The following NXPH1 variants were observed in gnomAD, a reference collection of about 807,000 sequenced individuals.
The protein encoded by NXPH1 is neurexophilin-1.
NXPH1 carries 5 observed loss-of-function variants against 23.7 expected under a neutral mutation model. The ratio of observed to expected loss-of-function variants is 0.21; its 90% CI spans 0.11 to 0.44. The LOEUF is 0.44. Among genes scored for constraint, NXPH1 ranks in the 20% least tolerant of loss-of-function variants. NXPH1 has a pLI of 0.99. For missense variants in NXPH1, 324 were observed against 321.6 expected, an observed-to-expected ratio of 1.01 and a Z score of -0.06; for synonymous variants, 144 against 122.2, an observed-to-expected ratio of 1.18 and a Z score of -1.18.
chr7:8,596,788 C>T (rs1819234859), intron 2 of NXPH1, among the ~76,000 whole-genome samples: 1 of 152,072 alleles, frequency 6.6e-6, no homozygotes, highest in African/African-American at 2.4e-5. Context: ...AATCAGGGAA[C>T]TCTGAAGCCT....
chr7:8,528,307 G>A (rs963863505), intron 2 of NXPH1, among the ~76,000 whole-genome samples: 1 of 152,198 alleles, frequency 6.6e-6, no homozygotes, highest in African/African-American at 2.4e-5. Flanking sequence ...TAATGGCTCT[G>A]GGGGGAGCCA....
intron 2 of NXPH1, among the ~76,000 whole-genome samples, chr7:8,618,846 C>T (rs1819802721): frequency 6.6e-6 from 1 of 152,188 alleles, no homozygotes; most frequent in African/African-American, 2.4e-5. Context: ...GCTAAACACA[C>T]TCTACAGAAT....
intron 2 of NXPH1, among the ~76,000 whole-genome samples, chr7:8,735,873 T>C (rs1334517972): frequency 6.6e-6 from 1 of 152,174 alleles, no homozygotes; most frequent in African/African-American, 2.4e-5. Flanking sequence ...GGAGGGTGTA[T>C]GTGTCCAGGA....
At chr7:8,630,069 C>G (rs1820094785) in intron 2 of NXPH1, among the ~76,000 whole-genome samples, 1 of 152,008 alleles carries the variant, frequency 6.6e-6, no homozygotes, top group African/African-American at 2.4e-5. Context: ...AAAAAGCATA[C>G]TATTAATTTT....
chr7:8,516,171 C>A (rs544768797), intron 2 of NXPH1, among the ~76,000 whole-genome samples: 1 of 152,036 alleles, frequency 6.6e-6, no homozygotes, highest in East Asian at 1.9e-4. Context: ...CTTTCCTTTC[C>A]ATCATTAGTA....
In NXPH1 at chr7:8,749,784, G is replaced by C. The variant is rs1288451189; in HGVS notation, c.55-1224G>C. ...AGCCTTACCTTAAAACAGCAAGTCC[G>C]CATATTGAATGGTTTACTGGTCTTG... On this transcript the variant is annotated intron_variant, in intron 2 of 2. Transcript: ENST00000405863. 2.0e-5 allele frequency among the ~76,000 whole-genome samples: 3 copies of C among 152,134 alleles called. No individual in the cohort carries two copies. The South Asian group carries it at 6.2e-4, about 31-fold the overall frequency.
chr7:8,506,512 G>T lies in NXPH1; in HGVS notation c.54+70745G>T, dbSNP rs539188906. On this transcript the variant is annotated intron_variant, in intron 2 of 2. Coordinates refer to ENST00000405863, the MANE Select transcript of NXPH1 (RefSeq NM_152745.3). Reference sequence around the variant, plus strand: ...AATACCTACCTTTGGTTGCTTACTTGCTGGTCTAGGAACAGACTATTAATG... The same window carrying T: ...AATACCTACCTTTGGTTGCTTACTTTCTGGTCTAGGAACAGACTATTAATG... Among the ~76,000 whole-genome samples, 6 of 152,170 alleles carry T rather than the reference G, an allele frequency of 3.9e-5. No homozygotes were observed. The South Asian group carries it at 1.2e-3, about 32-fold the overall frequency.
chr7:8,463,295 CTT>C (rs1041224406), intron 2 of NXPH1, among the ~76,000 whole-genome samples: 2 of 146,396 alleles, frequency 1.4e-5, no homozygotes, highest in Non-Finnish European at 1.5e-5. Flanking sequence ...ATAAATGTAT[CTT>C]TTTTTTTTTC....
chr7:8,442,789 G>C lies in NXPH1; in HGVS notation c.54+7022G>C, dbSNP rs1381293043. On this transcript the variant is annotated intron_variant, in intron 2 of 2. Coordinates refer to ENST00000405863, the MANE Select transcript of NXPH1 (RefSeq NM_152745.3). The surrounding 1 kb of genome is among the most constrained non-coding windows in gnomAD (Gnocchi z 4.6). Reference sequence around the variant, plus strand: ...GGAAACACAGATGCAGCCCTCTCGCGTCCGGAGCCCAAGTCCCCATGCAAA... The same window carrying C: ...GGAAACACAGATGCAGCCCTCTCGCCTCCGGAGCCCAAGTCCCCATGCAAA... 3.3e-5 allele frequency among the ~76,000 whole-genome samples: 5 copies of C among 152,124 alleles called. No homozygotes were observed. The highest frequency in any genetic ancestry group is 5.9e-5 in the Non-Finnish European group (4 of 68,018).
At chr7:8,696,139 G>C (rs1443375044) in intron 2 of NXPH1, among the ~76,000 whole-genome samples, 1 of 152,144 alleles carries the variant, frequency 6.6e-6, no homozygotes, top group African/African-American at 2.4e-5. Flanking sequence ...AGGAAGACGT[G>C]CTACATTTTC....
intron 2 of NXPH1, among the ~76,000 whole-genome samples, chr7:8,525,592 T>G (rs1201952554): frequency 2.0e-5 from 3 of 152,096 alleles, no homozygotes; most frequent in Non-Finnish European, 4.4e-5. Flanking sequence ...AAAAGTGGTT[T>G]CATGGGTTGG....
intron 2 of NXPH1, among the ~76,000 whole-genome samples, chr7:8,526,222 T>A (rs1004291016): frequency 3.3e-5 from 5 of 152,226 alleles, no homozygotes; most frequent in South Asian, 2.1e-4. Flanking sequence ...CCCTGCTGGA[T>A]TTTGGACTTG....
intron 2 of NXPH1, among the ~76,000 whole-genome samples, chr7:8,615,710 T>C (rs147318736): frequency 2.4e-4 from 37 of 152,140 alleles, no homozygotes; most frequent in Non-Finnish European, 5.0e-4. Context: ...TTGCTAAAGA[T>C]TGGAGAAGGA....
intron 2 of NXPH1, among the ~76,000 whole-genome samples, chr7:8,452,131 T>C (rs1816517254): frequency 6.6e-6 from 1 of 152,208 alleles, no homozygotes; most frequent in African/African-American, 2.4e-5. Flanking sequence ...TGGAACTTTG[T>C]CAGTGATTCT....
rs4720781 is a variant in NXPH1, at chr7:8,472,610, G to A, written c.54+36843G>A. Reference sequence around the variant, plus strand: ...GGTGGAAGGAAGGGCCCAATTTCCTGGTAGGGAAGAGAGTCTGGATAGGAT... The same window carrying A: ...GGTGGAAGGAAGGGCCCAATTTCCTAGTAGGGAAGAGAGTCTGGATAGGAT... On this transcript the variant is annotated intron_variant, in intron 2 of 2. Coordinates refer to ENST00000405863, the MANE Select transcript of NXPH1 (RefSeq NM_152745.3). Among the ~76,000 whole-genome samples the A allele has an allele frequency of 5.8e-4, 89 of 152,194 alleles. No individual in the cohort carries two copies. In the East Asian group the frequency reaches 0.01, roughly 17 times the overall value.
At chr7:8,476,525 T>A (rs1287259759) in intron 2 of NXPH1, among the ~76,000 whole-genome samples, 1 of 151,978 alleles carries the variant, frequency 6.6e-6, no homozygotes, top group Non-Finnish European at 1.5e-5. Context: ...CATATTCATA[T>A]GAGGGATTCA....
intron 2 of NXPH1, among the ~76,000 whole-genome samples, chr7:8,540,067 C>A (rs181624377): frequency 6.6e-6 from 1 of 151,694 alleles, no homozygotes; most frequent in Non-Finnish European, 1.5e-5. Flanking sequence ...TTCTATTACA[C>A]GCTAATTTTA....
intron 2 of NXPH1, among the ~76,000 whole-genome samples, chr7:8,654,644 A>G (rs1820544547): frequency 6.6e-6 from 1 of 152,178 alleles, no homozygotes; most frequent in Admixed American, 6.5e-5. Context: ...AGTCACAATG[A>G]TAGTGGCCTT....
intron 2 of NXPH1, among the ~76,000 whole-genome samples, chr7:8,745,719 A>ATTTTTTTTTTTTTTTTTTTTTT (rs56019801): frequency 8.9e-6 from 1 of 111,846 alleles, no homozygotes; most frequent in Non-Finnish European, 1.7e-5. Context: ...CGCCCAGCTA[A>ATTTTTTTTTTTTTTTTTTTTTT]TTTTTTTTTT....
Sources: allele counts gnomAD v4.1 joint callset (sites outside exome capture counted in the v4.1 genomes callset), GRCh38; gene constraint gnomAD v4.1.1; non-coding constraint Gnocchi (gnomAD v3.1); transcripts MANE v1.5; gene names NCBI Gene and HGNC (gene_info 2026-07-23, HGNC 2026-07-21).